DCAF8L2: variants seen among roughly 807,000 people sequenced by gnomAD.
DCAF8L2 encodes DDB1- and CUL4-associated factor 8-like protein 2.
For synonymous variants in DCAF8L2, 200 were observed against 190.9 expected (o/e 1.05, Z -0.39); for missense variants, 430 against 490.7 (o/e 0.88, Z 1.17).
intron 2 of DCAF8L2, among the ~76,000 whole-genome samples, chrX:27,653,889 A>G (rs1433365121): frequency 9.0e-6 from 1 of 111,405 alleles, no homozygotes; most frequent in Non-Finnish European, 1.9e-5. Flanking sequence ...TCAATGTCCA[A>G]ATGACTTGGA....
intron 1 of DCAF8L2, among the ~76,000 whole-genome samples, chrX:27,631,352 C>A (rs1928282441): frequency 1.8e-5 from 2 of 111,465 alleles, no homozygotes; most frequent in Non-Finnish European, 3.8e-5. Context: ...AGGATGCCAA[C>A]TTTCACCATT....
intron 2 of DCAF8L2, among the ~76,000 whole-genome samples, chrX:27,672,960 C>T (rs558818654): frequency 5.4e-5 from 6 of 110,477 alleles, no homozygotes; most frequent in African/African-American, 1.6e-4. Context: ...CTCCTTAGGA[C>T]ATCTTCACTT....
chrX:27,614,522 C>G (rs1170135812), intron 1 of DCAF8L2, among the ~76,000 whole-genome samples: 1 of 111,225 alleles, frequency 9.0e-6, no homozygotes, highest in Non-Finnish European at 1.9e-5. Flanking sequence ...TCTTGCTTCT[C>G]TAGTTCTTTT....
the DCAF8L2 span, among the ~76,000 whole-genome samples, chrX:27,572,220 G>A: frequency 9.0e-6 from 1 of 111,324 alleles, no homozygotes; most frequent in Non-Finnish European, 1.9e-5. Flanking sequence ...ATAGCTTCTG[G>A]GGTTAATGTA....
the DCAF8L2 span, chrX:27,518,918 T>G: frequency 1.8e-6 from 1 of 563,763 alleles, no homozygotes; most frequent in East Asian, 3.3e-5. Context: ...GACAAAAAAA[T>G]TGCTATAAAG....
intron 2 of DCAF8L2, among the ~76,000 whole-genome samples, chrX:27,672,714 C>T (rs1173677230): frequency 8.9e-6 from 1 of 112,142 alleles, no homozygotes; most frequent in East Asian, 2.8e-4. Flanking sequence ...AGTCTGAAGA[C>T]TTGTGGCCAA....
intron 1 of DCAF8L2, among the ~76,000 whole-genome samples, chrX:27,600,674 A>T (rs1037749442): frequency 5.4e-5 from 6 of 112,105 alleles, no homozygotes; most frequent in Admixed American, 9.5e-5. Flanking sequence ...ATTTGTTCAG[A>T]CTGTCCTGTA....
At chrX:27,573,190 C>T in the DCAF8L2 span, among the ~76,000 whole-genome samples, 1 of 108,822 alleles carries the variant, frequency 9.2e-6, no homozygotes, top group African/African-American at 3.4e-5. Context: ...TACTCTTTGC[C>T]CATTTCTTAA....
intron 3 of DCAF8L2, among the ~76,000 whole-genome samples, chrX:27,695,427 A>G (rs1930858884): frequency 8.9e-6 from 1 of 112,220 alleles, no homozygotes; most frequent in African/African-American, 3.2e-5. Flanking sequence ...GGGCTGCAGA[A>G]TGGTATTTTG....
chrX:27,516,890 T>C, the DCAF8L2 span, among the ~76,000 whole-genome samples: 1 of 111,611 alleles, frequency 9.0e-6, no homozygotes, highest in Non-Finnish European at 1.9e-5. Context: ...AACAAATGTA[T>C]ACTTTGTTTT....
chrX:27,644,815 C>T (rs751195490), intron 2 of DCAF8L2, among the ~76,000 whole-genome samples: 1 of 111,770 alleles, frequency 8.9e-6, no homozygotes, highest in Non-Finnish European at 1.9e-5. Flanking sequence ...AGTGCAGTGG[C>T]GCAATCTCGG....
At chrX:27,696,366 G>A (rs919207551) in intron 3 of DCAF8L2, among the ~76,000 whole-genome samples, 2 of 110,470 alleles carry the variant, frequency 1.8e-5, no homozygotes, top group African/African-American at 6.6e-5. Flanking sequence ...TGAAATGGAA[G>A]GCATTGGATG....
At chrX:27,637,500 C>A (rs1462410213) in intron 2 of DCAF8L2, among the ~76,000 whole-genome samples, 1 of 111,865 alleles carries the variant, frequency 8.9e-6, no homozygotes, top group Non-Finnish European at 1.9e-5. Context: ...ATGTGCCAAC[C>A]AGGACCAGCA....
the DCAF8L2 span, among the ~76,000 whole-genome samples, chrX:27,473,771 A>G: frequency 9.0e-6 from 1 of 111,260 alleles, no homozygotes; most frequent in Non-Finnish European, 1.9e-5. Flanking sequence ...AAAATTATAC[A>G]TGTCTAATTA....
intron 2 of DCAF8L2, among the ~76,000 whole-genome samples, chrX:27,639,528 A>G (rs1047834455): frequency 5.4e-5 from 6 of 111,812 alleles, no homozygotes; most frequent in Non-Finnish European, 7.5e-5. Context: ...ATCACTGCAT[A>G]CCTGTACCAA....
the DCAF8L2 span, among the ~76,000 whole-genome samples, chrX:27,563,282 G>C: frequency 0.43 from 47,665 of 109,960 alleles, 8,715 homozygotes; most frequent in South Asian, 0.68. Context: ...CTTGCCTGCT[G>C]GTTTTTATTG....
At chrX:27,587,985 A>AAAAAAAAAAAAATATATATATAT, upstream of DCAF8L2, among the ~76,000 whole-genome samples, 2 of 22,369 alleles carry the variant, frequency 8.9e-5, no homozygotes, top group African/African-American at 2.0e-4. Flanking sequence ...TAAAAAAAAA[A>AAAAAAAAAAAAATATATATATAT]ATATATATAT....
the DCAF8L2 span, among the ~76,000 whole-genome samples, chrX:27,512,798 A>ACAAAAC: frequency 1.0e-5 from 1 of 97,639 alleles, no homozygotes; most frequent in Non-Finnish European, 2.0e-5. Context: ...AAAAAAAAAA[A>ACAAAAC]AAAAAAAAAA....
chrX:27,480,242 T>C, the DCAF8L2 span, among the ~76,000 whole-genome samples: 69 of 112,731 alleles, frequency 6.1e-4, no homozygotes, highest in African/African-American at 2.0e-3. Context: ...AAGGAGCTTA[T>C]ATTTTAGTAG....
Sources: allele counts gnomAD v4.1 joint callset (sites outside exome capture counted in the v4.1 genomes callset), GRCh38; gene constraint gnomAD v4.1.1; transcripts MANE v1.5; gene names NCBI Gene and HGNC (gene_info 2026-07-23, HGNC 2026-07-21).